Variants in CFAP20DC observed in about 807,000 individuals in gnomAD.
The protein encoded by CFAP20DC is protein CFAP20DC.
In CFAP20DC, 84 loss-of-function variants were observed where a neutral mutation model predicts 101.7. That is an observed-to-expected ratio of 0.83 (90% confidence interval 0.69 to 0.99). The LOEUF (loss-of-function observed/expected upper bound fraction) is 0.99, where lower values mean the gene tolerates loss of function less well. CFAP20DC is among the 50% of genes least tolerant of loss of function. CFAP20DC has a pLI of 0.00. For synonymous variants in CFAP20DC, 359 were observed against 351.2 expected, an observed-to-expected ratio of 1.02 and a Z score of -0.25; for missense variants, 1,007 against 970.3, an observed-to-expected ratio of 1.04 and a Z score of -0.50.
intron 14 of CFAP20DC, among the ~76,000 whole-genome samples, chr3:58,821,618 T>C (rs1353707205): frequency 6.7e-6 from 1 of 149,588 alleles, no homozygotes; most frequent in South Asian, 2.1e-4. Flanking sequence ...CCAGTTAGAA[T>C]GGCAATCATT....
chr3:58,766,654 G>A (rs768410211), intron 15 of CFAP20DC, among the ~76,000 whole-genome samples: 18 of 152,168 alleles, frequency 1.2e-4, no homozygotes, highest in Non-Finnish European at 2.2e-4. Context: ...AGCCTTTGAG[G>A]CTTTCCATAG....
At chr3:58,809,205 A>G in intron 14 of CFAP20DC, among the ~76,000 whole-genome samples, 1 of 152,108 alleles carries the variant, frequency 6.6e-6, no homozygotes, top group Admixed American at 6.5e-5. Context: ...AGCGGACCTA[A>G]TAGACATCTA....
chr3:58,955,601 T>C (rs1341322546), intron 4 of CFAP20DC, among the ~76,000 whole-genome samples: 1 of 152,020 alleles, frequency 6.6e-6, no homozygotes, highest in Non-Finnish European at 1.5e-5. Flanking sequence ...ACTAAAGTGC[T>C]CTGGGGCCCC....
Position 58,971,202 on chromosome 3 carries a change from C to A in CFAP20DC, c.279-33440G>T, listed in dbSNP as rs1055709832. Among the ~76,000 whole-genome samples the A allele has an allele frequency of 6.6e-6, 1 of 152,140 alleles. No homozygotes were observed. The highest frequency in any genetic ancestry group is 2.4e-5 in the African/African-American group (1 of 41,446). On this transcript the variant is annotated intron_variant, in intron 4 of 16. Coordinates refer to ENST00000482387, the MANE Select transcript of CFAP20DC (RefSeq NM_001394063.1). This position sits in a 1 kb window ranked among gnomAD's most constrained non-coding sequence, Gnocchi z 4.1. Reference sequence around the variant, plus strand: ...CAAACGATCACTTTCTGAAGCTTACCATAAAGAAGATATTTGGCACTGAAA... The same window carrying A: ...CAAACGATCACTTTCTGAAGCTTACAATAAAGAAGATATTTGGCACTGAAA...
rs1173937201 is a variant in CFAP20DC, at chr3:58,913,609, C to T, written c.550+99G>A. 3.3e-6 allele frequency: 4 copies of T among 1,195,324 alleles called. No homozygotes were observed. The highest frequency in any genetic ancestry group is 1.7e-5 in the Admixed American group (1 of 58,612). 74.0% of individuals were successfully genotyped at this position (1,195,324 alleles called of 1,614,324 possible). A position where few individuals can be genotyped will look rare whatever the true frequency, so the allele number is the denominator to read the frequency against. ...GACAAATTTACTTTAGCAGACATAA[C>T]ATCAAACTGCTACCACACACTCATA... On this transcript the variant is annotated intron_variant, in intron 6 of 16. Transcript: ENST00000482387. This position sits in a 1 kb window ranked among gnomAD's most constrained non-coding sequence, Gnocchi z 4.4.
At position 58,867,907 on chromosome 3, in the gene CFAP20DC, G is replaced by T. The variant is rs1415907607; in HGVS notation, c.1045C>A (p.Pro349Thr). 1 of 1,612,680 alleles carries T rather than the reference G, an allele frequency of 6.2e-7. No individual in the cohort carries two copies. Among genetic ancestry groups the T allele is most frequent in the South Asian group, 1.1e-5 (1 of 90,820 alleles). ...AANLHIMHPHPPQEPSADKNN... is the reference protein window; with the variant it reads ...AANLHIMHPHTPQEPSADKNN... ...TTATCTGCTGATGGTTCTTGAGGGG[G>T]ATGCGGATGCATAATATGTAGATTG... The change falls in exon 10 of 17, where the codon CCC becomes ACC. Residue 349 changes from proline to threonine, a missense_variant. By Grantham distance (38) the Pro-to-Thr change is conservative. Coordinates refer to ENST00000482387, the MANE Select transcript of CFAP20DC (RefSeq NM_001394063.1).
chr3:58,814,595 T>C (rs892030998), intron 14 of CFAP20DC, among the ~76,000 whole-genome samples: 2 of 151,354 alleles, frequency 1.3e-5, no homozygotes, highest in Non-Finnish European at 2.9e-5. Context: ...CATGATTGTA[T>C]ATCTAGAAAA....
chr3:58,777,136 CTTCTG>C (rs1357401010), intron 15 of CFAP20DC, among the ~76,000 whole-genome samples: 1 of 152,184 alleles, frequency 6.6e-6, no homozygotes, highest in African/African-American at 2.4e-5. Context: ...CAAAGTCATT[CTTCTG>C]TTCACTGAGA....
At chr3:58,749,695 G>T (rs1284721584) in intron 16 of CFAP20DC, among the ~76,000 whole-genome samples, 1 of 149,306 alleles carries the variant, frequency 6.7e-6, no homozygotes, top group Non-Finnish European at 1.5e-5. Context: ...CAGGGCTACA[G>T]GCCTGAAGAC....
intron 4 of CFAP20DC, among the ~76,000 whole-genome samples, chr3:59,033,036 A>T (rs991469615): frequency 1.6e-4 from 24 of 152,102 alleles, no homozygotes; most frequent in African/African-American, 5.8e-4. Flanking sequence ...TGCAGCCTCC[A>T]CTGGTGATAC....
chr3:58,746,039 T>C (rs1415498560), intron 16 of CFAP20DC, among the ~76,000 whole-genome samples: 1 of 152,188 alleles, frequency 6.6e-6, no homozygotes, highest in Non-Finnish European at 1.5e-5. Context: ...AAGGGTTATG[T>C]ACGTTTATAC....
Position 58,788,233 on chromosome 3 carries a change from G to A in CFAP20DC, c.2237+18162C>T, listed in dbSNP as rs1206444649. On this transcript the variant is annotated intron_variant, in intron 15 of 16. Coordinates refer to ENST00000482387, the MANE Select transcript of CFAP20DC (RefSeq NM_001394063.1). This position sits in a 1 kb window ranked among gnomAD's most constrained non-coding sequence, Gnocchi z 4.2. ...CTGCATACAGACAGATTCTGAGCAC[G>A]CAGTGAGAAAGGGAACCACAGCATG... Among the ~76,000 whole-genome samples, 1 of 151,992 alleles carries A rather than the reference G, an allele frequency of 6.6e-6. No individual in the cohort carries two copies. The highest frequency in any genetic ancestry group is 1.5e-5 in the Non-Finnish European group (1 of 68,000).
At chr3:58,784,685 T>C (rs1317002886) in intron 15 of CFAP20DC, among the ~76,000 whole-genome samples, 1 of 152,130 alleles carries the variant, frequency 6.6e-6, no homozygotes, top group African/African-American at 2.4e-5. Flanking sequence ...ATATACCCAG[T>C]AATGAGACTG....
rs1324051541 is a variant in CFAP20DC, at chr3:58,818,326, A to G, written c.2176-11870T>C. On this transcript the variant is annotated intron_variant, in intron 14 of 16. Transcript: ENST00000482387. ...AAATGTAAATGGACTAAATGCTCCA[A>G]TTAAAAGACACAGACTGGCAAATTG... Among the ~76,000 whole-genome samples, 1,074 of 148,706 alleles carry G rather than the reference A, an allele frequency of 7.2e-3. 3 individuals carry two copies. The highest frequency in any genetic ancestry group is 0.011 in the Non-Finnish European group (758 of 66,668).
chr3:58,895,982 C>G (rs551680851), intron 6 of CFAP20DC, among the ~76,000 whole-genome samples: 2 of 152,324 alleles, frequency 1.3e-5, no homozygotes, highest in East Asian at 3.9e-4. Flanking sequence ...TCAGTTACCT[C>G]CTACCAGATC....
chr3:58,838,230 T>A (rs867463704), intron 13 of CFAP20DC, among the ~76,000 whole-genome samples: 5 of 152,096 alleles, frequency 3.3e-5, no homozygotes, highest in African/African-American at 4.8e-5. Context: ...TTTTACTAAA[T>A]TTAAGGGTTG....
intron 14 of CFAP20DC, among the ~76,000 whole-genome samples, chr3:58,807,340 A>T (rs2074175215): frequency 1.3e-5 from 2 of 152,170 alleles, no homozygotes; most frequent in Admixed American, 1.3e-4. Flanking sequence ...CTGACACTTC[A>T]CACGGGCGGG....
chr3:59,002,751 T>C lies in CFAP20DC; in HGVS notation c.278+36806A>G, dbSNP rs2093343538. 6.6e-6 allele frequency among the ~76,000 whole-genome samples: 1 copy of C among 152,222 alleles called. No homozygotes were observed. The highest frequency in any genetic ancestry group is 6.5e-5 in the Admixed American group (1 of 15,272). On this transcript the variant is annotated intron_variant, in intron 4 of 16. Coordinates refer to ENST00000482387, the MANE Select transcript of CFAP20DC (RefSeq NM_001394063.1). This position sits in a 1 kb window ranked among gnomAD's most constrained non-coding sequence, Gnocchi z 4.5. Reference sequence around the variant, plus strand: ...TTCTTCCTCACTCAAAGAGATGTTATTTTAAGTAAATATAAAAAAGAGAGC... The same window carrying C: ...TTCTTCCTCACTCAAAGAGATGTTACTTTAAGTAAATATAAAAAAGAGAGC...
chr3:58,748,022 T>C (rs2068324610), intron 16 of CFAP20DC, among the ~76,000 whole-genome samples: 1 of 152,186 alleles, frequency 6.6e-6, no homozygotes. Flanking sequence ...TTGTAAAAAC[T>C]GGTGGCTATA....
Sources: allele counts gnomAD v4.1 joint callset (sites outside exome capture counted in the v4.1 genomes callset), GRCh38; gene constraint gnomAD v4.1.1; non-coding constraint Gnocchi (gnomAD v3.1); transcripts MANE v1.5; gene names NCBI Gene and HGNC (gene_info 2026-07-23, HGNC 2026-07-21).